Variants in CHL1 observed in about 807,000 individuals in gnomAD.
The protein encoded by CHL1 is cell adhesion molecule L1 like.
Under a neutral mutation model 141.9 loss-of-function variants are expected in CHL1, and 96 were observed. That is an observed-to-expected ratio of 0.68 (90% CI 0.57 to 0.80). The LOEUF (loss-of-function observed/expected upper bound fraction) is 0.80, where lower values mean the gene tolerates loss of function less well. CHL1 is among the 30% of genes least tolerant of loss of function. The probability of loss-of-function intolerance (pLI) is 0.00; values close to 1 mark genes in which losing one functional copy is unlikely to be tolerated. For synonymous variants in CHL1, 613 were observed against 502.2 expected (o/e 1.22, Z -2.95); for missense variants, 1,820 against 1,457.2 (o/e 1.25, Z -4.05).
At chr3:283,434 T>A (rs1345641948) in intron 2 of CHL1, among the ~76,000 whole-genome samples, 5 of 152,216 alleles carry the variant, frequency 3.3e-5, no homozygotes, top group African/African-American at 1.2e-4. Flanking sequence ...TATCTTTCTA[T>A]TTATGTACAC....
chr3:391,584 C>A, intron 22 of CHL1, 91 bp from the exon 23 acceptor site: 1 of 828,226 alleles, frequency 1.2e-6, no homozygotes, highest in Non-Finnish European at 1.9e-6. Flanking sequence ...GATGAGTTTG[C>A]TTGTCAATTT....
intron 2 of CHL1, among the ~76,000 whole-genome samples, chr3:292,640 G>T (rs1455120884): frequency 6.6e-6 from 1 of 152,178 alleles, no homozygotes; most frequent in Admixed American, 6.5e-5. Context: ...AATTTATAAA[G>T]AAAAGAGGTT....
At chr3:211,140 C>G (rs1699872215) in intron 1 of CHL1, among the ~76,000 whole-genome samples, 1 of 152,152 alleles carries the variant, frequency 6.6e-6, no homozygotes, top group Admixed American at 6.5e-5. Flanking sequence ...AAGGAACTGA[C>G]TAGATTACTC....
intron 15 of CHL1, among the ~76,000 whole-genome samples, chr3:369,226 G>C (rs1010514892): frequency 4.8e-5 from 6 of 125,012 alleles, no homozygotes; most frequent in Admixed American, 2.7e-4. Flanking sequence ...TTGTATCCAT[G>C]AGGATGGGAT....
chr3:386,222 A>C (rs2125418132), intron 19 of CHL1, among the ~76,000 whole-genome samples: 1 of 152,236 alleles, frequency 6.6e-6, no homozygotes. Context: ...AAAAAAAAAA[A>C]AAAGCTGATC....
chr3:219,443 G>T (rs1327776023), intron 1 of CHL1, among the ~76,000 whole-genome samples: 1 of 152,090 alleles, frequency 6.6e-6, no homozygotes, highest in African/African-American at 2.4e-5. Context: ...GCCCATCAAT[G>T]ACATCAATAA....
At chr3:370,987 G>GT (rs1313817301) in intron 15 of CHL1, among the ~76,000 whole-genome samples, 2 of 151,886 alleles carry the variant, frequency 1.3e-5, no homozygotes, top group Admixed American at 6.6e-5. Context: ...ATAATTTACG[G>GT]TTTTTTGTAT....
At chr3:220,275 G>C (rs1002584406) in intron 1 of CHL1, among the ~76,000 whole-genome samples, 4 of 152,134 alleles carry the variant, frequency 2.6e-5, no homozygotes, top group African/African-American at 9.7e-5. Context: ...TTATTGTGAT[G>C]TATGTAAATT....
chr3:240,786 G>A (rs1048491251), intron 1 of CHL1, among the ~76,000 whole-genome samples: 2 of 152,124 alleles, frequency 1.3e-5, no homozygotes, highest in Admixed American at 6.6e-5. Flanking sequence ...GGTAGGAGAT[G>A]AGGATCCAGT....
intron 2 of CHL1, among the ~76,000 whole-genome samples, chr3:246,376 GT>G (rs1171393230): frequency 6.6e-6 from 1 of 151,916 alleles, no homozygotes; most frequent in Non-Finnish European, 1.5e-5. Flanking sequence ...TTTATTTCTT[GT>G]GTTCCTCTTG....
At chr3:258,535 T>C (rs1694395310) in intron 2 of CHL1, among the ~76,000 whole-genome samples, 1 of 152,234 alleles carries the variant, frequency 6.6e-6, no homozygotes. Flanking sequence ...CCTGTTCTAT[T>C]ACTTTCACAT....
At chr3:261,322 G>C (rs559656878) in intron 2 of CHL1, among the ~76,000 whole-genome samples, 1 of 152,056 alleles carries the variant, frequency 6.6e-6, no homozygotes, top group African/African-American at 2.4e-5. Flanking sequence ...GGGAAGAAGA[G>C]AGGGAAGGAA....
chr3:278,832 T>C (rs1696385783), intron 2 of CHL1, among the ~76,000 whole-genome samples: 1 of 152,216 alleles, frequency 6.6e-6, no homozygotes, highest in Admixed American at 6.5e-5. Flanking sequence ...ACGTTTTAGT[T>C]TCTGAACTCT....
At chr3:335,702 A>G (rs1701811542) in intron 5 of CHL1, among the ~76,000 whole-genome samples, 2 of 152,230 alleles carry the variant, frequency 1.3e-5, no homozygotes, top group African/African-American at 4.8e-5. Flanking sequence ...TAAACACATC[A>G]TATGTTCTAC....
At position 339,502 on chromosome 3, in the gene CHL1, A is replaced by G. The variant is rs191137874; in HGVS notation, c.386-1292A>G. Among the ~76,000 whole-genome samples the G allele has an allele frequency of 3.1e-4, 47 of 152,342 alleles. 1 individual carries two copies. Among genetic ancestry groups the G allele is most frequent in the Admixed American group, 6.5e-4 (10 of 15,292 alleles). ...AATCTTATAGAACGAGTTGAGCAAG[A>G]GGAAACCCACTAAAGGACTGTCACA... On this transcript the variant is annotated intron_variant, in intron 5 of 27. Coordinates refer to ENST00000256509, the MANE Select transcript of CHL1 (RefSeq NM_006614.4).
intron 27 of CHL1, among the ~76,000 whole-genome samples, chr3:402,278 G>T (rs142385997): frequency 1.3e-5 from 2 of 152,210 alleles, no homozygotes; most frequent in South Asian, 4.1e-4. Context: ...TTGTGTTACT[G>T]TTAACCACTG....
intron 15 of CHL1, chr3:376,336 T>A (rs1273443011): frequency 4.0e-6 from 2 of 496,406 alleles, no homozygotes; most frequent in South Asian, 1.5e-5. Context: ...CCAGGCTTCA[T>A]GTTCAAATGC....
intron 2 of CHL1, among the ~76,000 whole-genome samples, chr3:294,916 T>C (rs1390616103): frequency 6.6e-6 from 1 of 152,260 alleles, no homozygotes; most frequent in African/African-American, 2.4e-5. Context: ...GAATGTTTAC[T>C]ATGTGCCAGA....
At chr3:239,474 C>A (rs1692336925) in intron 1 of CHL1, among the ~76,000 whole-genome samples, 1 of 151,876 alleles carries the variant, frequency 6.6e-6, no homozygotes, top group Non-Finnish European at 1.5e-5. Flanking sequence ...CCCTCCTGCT[C>A]CATGAAGCTA....
Sources: gnomAD v4.1 joint callset for allele counts (sites outside exome capture counted in the v4.1 genomes callset) on GRCh38, gnomAD v4.1.1 for gene constraint, MANE v1.5 for transcripts, NCBI Gene and HGNC (gene_info 2026-07-23, HGNC 2026-07-21) for gene names.